The following MRTFB variants were observed in gnomAD, a reference collection of about 807,000 sequenced individuals.
MRTFB encodes the protein myocardin related transcription factor B, also known as myocardin-related transcription factor B.
In MRTFB, 29 loss-of-function variants were observed where a neutral mutation model predicts 104.2. The observed-to-expected ratio is 0.28, with a 90% CI of 0.21 to 0.38. The LOEUF (loss-of-function observed/expected upper bound fraction) is 0.38, where lower values mean the gene tolerates loss of function less well. Ranked by LOEUF, MRTFB falls within the 10% of genes least tolerant of loss-of-function variation. The probability of loss-of-function intolerance (pLI) is 1.00; values close to 1 mark genes in which losing one functional copy is unlikely to be tolerated. For synonymous variants in MRTFB, 535 were observed against 519.5 expected, an observed-to-expected ratio of 1.03 and a Z score of -0.41; for missense variants, 1,270 against 1,341.6, an observed-to-expected ratio of 0.95 and a Z score of 0.83.
intron 3 of MRTFB, among the ~76,000 whole-genome samples, chr16:14,149,757 C>T (rs776255260): frequency 3.3e-5 from 5 of 152,048 alleles, no homozygotes; most frequent in Non-Finnish European, 7.4e-5. Flanking sequence ...AAACTTGTTA[C>T]ACAAAGATCT....
the MRTFB span, among the ~76,000 whole-genome samples, chr16:14,059,010 G>A: frequency 3.3e-5 from 5 of 151,814 alleles, no homozygotes; most frequent in Admixed American, 1.3e-4. Context: ...ATGAGCCACC[G>A]CCCCCGGCCC....
intron 2 of MRTFB, among the ~76,000 whole-genome samples, chr16:14,139,580 T>A (rs1284264024): frequency 1.3e-5 from 2 of 152,222 alleles, no homozygotes; most frequent in Non-Finnish European, 2.9e-5. Context: ...GGATACATGC[T>A]TTTACTTCTC....
chr16:13,995,294 A>G, the MRTFB span, among the ~76,000 whole-genome samples: 1 of 152,100 alleles, frequency 6.6e-6, no homozygotes, highest in Admixed American at 6.5e-5. Flanking sequence ...CATTCCTGAG[A>G]TGCTGTTTTG....
At chr16:14,125,512 A>G (rs1225560984) in intron 2 of MRTFB, among the ~76,000 whole-genome samples, 1 of 152,274 alleles carries the variant, frequency 6.6e-6, no homozygotes, top group Non-Finnish European at 1.5e-5. Context: ...GCCTAGCAGT[A>G]GGGATGGGTG....
At chr16:14,168,649 G>A (rs1180031310) in intron 3 of MRTFB, among the ~76,000 whole-genome samples, 1 of 152,140 alleles carries the variant, frequency 6.6e-6, no homozygotes, top group African/African-American at 2.4e-5. Context: ...GTGGACTCCT[G>A]GACACTTTCC....
chr16:14,111,225 G>GGT (rs2036250785), intron 2 of MRTFB, among the ~76,000 whole-genome samples: 1 of 152,118 alleles, frequency 6.6e-6, no homozygotes, highest in South Asian at 2.1e-4. Context: ...GGAGAGGTGG[G>GGT]GTTAACCCTG....
At chr16:14,127,923 A>ATTTTTTTTTTTTTTTTTT (rs1567355881) in intron 2 of MRTFB, among the ~76,000 whole-genome samples, 1 of 39,186 alleles carries the variant, frequency 2.6e-5, no homozygotes, top group Non-Finnish European at 3.9e-5. Flanking sequence ...ATATATATAT[A>ATTTTTTTTTTTTTTTTTT]TATATATTTT....
At chr16:14,226,117 T>C (rs913169312) in intron 8 of MRTFB, among the ~76,000 whole-genome samples, 2 of 152,206 alleles carry the variant, frequency 1.3e-5, no homozygotes, top group Admixed American at 6.5e-5. Context: ...CCTGTGTTCA[T>C]GGAAGACTTA....
chr16:14,216,058 G>A (rs1567177644), intron 6 of MRTFB, among the ~76,000 whole-genome samples: 1 of 152,126 alleles, frequency 6.6e-6, no homozygotes, highest in Non-Finnish European at 1.5e-5. Context: ...TTATGTATTC[G>A]CAATAGCGGT....
At chr16:14,028,102 A>C in the MRTFB span, among the ~76,000 whole-genome samples, 1 of 152,186 alleles carries the variant, frequency 6.6e-6, no homozygotes, top group Non-Finnish European at 1.5e-5. Flanking sequence ...GCTTGAACCC[A>C]AGAGGCGGAG....
intron 3 of MRTFB, chr16:14,200,134 T>C: frequency 1.5e-6 from 1 of 671,020 alleles, no homozygotes. Flanking sequence ...TATTAGAAAT[T>C]TAATTTATAG....
upstream of MRTFB, among the ~76,000 whole-genome samples, chr16:14,067,151 A>C (rs2033533695): frequency 6.6e-6 from 1 of 151,530 alleles, no homozygotes; most frequent in Non-Finnish European, 1.5e-5. Flanking sequence ...GCAAGGCCTG[A>C]GGTTAGTGGC....
In MRTFB at chr16:14,264,583, T is replaced by C. The variant is rs2043881926; in HGVS notation, c.*3139T>C. 1 of 152,244 alleles carries C rather than the reference T, an allele frequency of 6.6e-6. No individual in the cohort carries two copies. 9.4% of individuals were successfully genotyped at this position (152,244 alleles called of 1,614,324 possible). On this transcript the variant is annotated 3_prime_UTR_variant, in exon 17 of 17. Coordinates refer to ENST00000571589, the MANE Select transcript of MRTFB (RefSeq NM_001308142.2). ...TTGCTTAGATACTATTGTGTTTGTT[T>C]CATATGAATATTTTTGTAATTCTAA...
At chr16:14,176,577 A>T (rs1597157951) in intron 3 of MRTFB, among the ~76,000 whole-genome samples, 1 of 152,334 alleles carries the variant, frequency 6.6e-6, no homozygotes, top group East Asian at 1.9e-4. Flanking sequence ...TTTGAGTATT[A>T]GGGCTTAATT....
Position 14,213,538 on chromosome 16 carries a change from T to C in MRTFB, c.277-7T>C, listed in dbSNP as rs533188885. The C allele has an allele frequency of 1.3e-5, 21 of 1,589,028 alleles. No individual in the cohort carries two copies. The highest frequency in any genetic ancestry group is 1.7e-5 in the Non-Finnish European group (20 of 1,170,086). Reference sequence around the variant, plus strand: ...GATTTATGGTAAGACTTTTTTTCTTTTTAAAGACTGAAAACTTTTTGAAAC... The same window carrying C: ...GATTTATGGTAAGACTTTTTTTCTTCTTAAAGACTGAAAACTTTTTGAAAC... On this transcript the variant is annotated splice_region_variant and splice_polypyrimidine_tract_variant and intron_variant, in intron 5 of 16. Coordinates refer to ENST00000571589, the MANE Select transcript of MRTFB (RefSeq NM_001308142.2).
At chr16:14,230,686 G>A (rs1032302751) in intron 8 of MRTFB, among the ~76,000 whole-genome samples, 1 of 152,302 alleles carries the variant, frequency 6.6e-6, no homozygotes, top group Non-Finnish European at 1.5e-5. Flanking sequence ...CTGTTGGTGG[G>A]ACTGTAAACT....
intron 3 of MRTFB, among the ~76,000 whole-genome samples, chr16:14,178,437 T>A (rs2150999472): frequency 6.6e-6 from 1 of 152,350 alleles, no homozygotes; most frequent in African/African-American, 2.4e-5. Context: ...ATGGCATGAC[T>A]TCATACTGGA....
At chr16:14,181,196 A>T (rs75303967) in intron 3 of MRTFB, among the ~76,000 whole-genome samples, 3 of 151,870 alleles carry the variant, frequency 2.0e-5, no homozygotes, top group Non-Finnish European at 2.9e-5. Context: ...TTGTTTAAAT[A>T]AAAAAAAATT....
intron 2 of MRTFB, among the ~76,000 whole-genome samples, chr16:14,083,305 G>A (rs890198103): frequency 6.6e-6 from 1 of 152,062 alleles, no homozygotes; most frequent in African/African-American, 2.4e-5. Flanking sequence ...CTGCAAACAG[G>A]AACAATTTTA....
Sources: gnomAD v4.1 joint callset for allele counts (sites outside exome capture counted in the v4.1 genomes callset) on GRCh38, gnomAD v4.1.1 for gene constraint, MANE v1.5 for transcripts, NCBI Gene and HGNC (gene_info 2026-07-23, HGNC 2026-07-21) for gene names.